WWC1: variants seen among roughly 807,000 people sequenced by gnomAD.
WWC1 encodes the protein protein KIBRA.
WWC1 carries 55 observed loss-of-function variants against 138.4 expected under a neutral mutation model. That is an observed-to-expected ratio of 0.40 (90% CI 0.32 to 0.50). The LOEUF is 0.50. Ranked by LOEUF, WWC1 falls within the 20% of genes least tolerant of loss-of-function variation. The pLI, the probability that WWC1 is intolerant of heterozygous loss-of-function variation, is 0.72. For synonymous variants in WWC1, 524 were observed against 564.9 expected (o/e 0.93, Z 1.03); for missense variants, 1,226 against 1,420.4 (o/e 0.86, Z 2.20).
intron 17 of WWC1, among the ~76,000 whole-genome samples, chr5:168,449,141 T>TG (rs1205343998): frequency 2.1e-5 from 3 of 142,492 alleles, no homozygotes; most frequent in Non-Finnish European, 4.8e-5. Flanking sequence ...CACCAGCACT[T>TG]GATATTACCA....
intron 2 of WWC1, among the ~76,000 whole-genome samples, chr5:168,381,371 G>C (rs1316098917): frequency 6.6e-6 from 1 of 152,160 alleles, no homozygotes; most frequent in Admixed American, 6.5e-5. Flanking sequence ...AACTGGACAC[G>C]GGCCCAGCAT....
At chr5:168,445,009 CT>C (rs1755117641) in intron 17 of WWC1, among the ~76,000 whole-genome samples, 1 of 152,118 alleles carries the variant, frequency 6.6e-6, no homozygotes. Flanking sequence ...TAGAAGTTTA[CT>C]TCTTCTTCAC....
intron 16 of WWC1, among the ~76,000 whole-genome samples, chr5:168,442,958 TC>T (rs1162041576): frequency 2.0e-5 from 3 of 152,130 alleles, no homozygotes; most frequent in African/African-American, 7.2e-5. Context: ...TTAAACTGTC[TC>T]CCCCGTTTGG....
intron 1 of WWC1, among the ~76,000 whole-genome samples, chr5:168,301,497 G>A (rs1446796274): frequency 1.3e-5 from 2 of 152,128 alleles, no homozygotes; most frequent in African/African-American, 4.8e-5. Flanking sequence ...AATTAGCCAG[G>A]CGTGGTAGCA....
chr5:168,407,627 T>C (rs1561719179), intron 6 of WWC1, among the ~76,000 whole-genome samples: 2 of 152,182 alleles, frequency 1.3e-5, no homozygotes, highest in African/African-American at 4.8e-5. Context: ...GTGGTTGAGA[T>C]CATGGAGCCT....
At chr5:168,305,130 T>C (rs1488070000) in intron 1 of WWC1, among the ~76,000 whole-genome samples, 6 of 21,134 alleles carry the variant, frequency 2.8e-4, no homozygotes, top group African/African-American at 8.7e-4. Flanking sequence ...GGCCCAGTAT[T>C]TTTTTTTTTT....
At chr5:168,358,602 C>A (rs1775634657) in intron 1 of WWC1, among the ~76,000 whole-genome samples, 1 of 152,164 alleles carries the variant, frequency 6.6e-6, no homozygotes, top group African/African-American at 2.4e-5. Context: ...CAGTTAACCT[C>A]TCTGTGCCTC....
At chr5:168,312,591 G>A (rs1771211270) in intron 1 of WWC1, among the ~76,000 whole-genome samples, 1 of 152,230 alleles carries the variant, frequency 6.6e-6, no homozygotes, top group Non-Finnish European at 1.5e-5. Flanking sequence ...CAGTATCACA[G>A]CATTAGTTTG....
chr5:168,321,531 A>G (rs967774787), intron 1 of WWC1, among the ~76,000 whole-genome samples: 2 of 145,414 alleles, frequency 1.4e-5, no homozygotes, highest in Admixed American at 1.4e-4. Context: ...ATAGGGCAAT[A>G]TCCTTTTTTT....
Position 168,301,104 on chromosome 5 carries a change from G to T in WWC1, c.119+8833G>T, listed in dbSNP as rs114136815. Among the ~76,000 whole-genome samples, 537 of 152,280 alleles carry T rather than the reference G, an allele frequency of 3.5e-3. 3 individuals are homozygous for T. The highest frequency in any genetic ancestry group is 6.0e-3 in the South Asian group (29 of 4,822). ...AAGATCCTTATCCATTGTCTGTCAC[G>T]TGCCAAACACTATTGCTCATCATAT... On this transcript the variant is annotated intron_variant, in intron 1 of 22. Transcript: ENST00000265293.
At chr5:168,427,860 G>A (rs1341445888) in intron 11 of WWC1, among the ~76,000 whole-genome samples, 173 bp from the exon 12 acceptor site, 4 of 152,074 alleles carry the variant, frequency 2.6e-5, no homozygotes, top group South Asian at 2.1e-4. Context: ...TTTGGGAGGC[G>A]GAGGTGGGAG....
At chr5:168,453,003 T>A (rs1158053053) in intron 17 of WWC1, among the ~76,000 whole-genome samples, 4 of 152,190 alleles carry the variant, frequency 2.6e-5, no homozygotes, top group Non-Finnish European at 5.9e-5. Context: ...GGTGGGTGGA[T>A]CGCTTGAGCC....
intron 2 of WWC1, among the ~76,000 whole-genome samples, chr5:168,374,649 G>A (rs1407106141): frequency 1.3e-5 from 2 of 152,204 alleles, no homozygotes; most frequent in African/African-American, 2.4e-5. Context: ...TCCGCTGTGT[G>A]AGATGGGAGT....
intron 1 of WWC1, among the ~76,000 whole-genome samples, chr5:168,348,142 G>A (rs1327198442): frequency 6.6e-6 from 1 of 152,208 alleles, no homozygotes; most frequent in African/African-American, 2.4e-5. Context: ...CAGGTTGGGG[G>A]ATGTGATGTG....
intron 1 of WWC1, among the ~76,000 whole-genome samples, chr5:168,295,297 A>G (rs997439626): frequency 3.3e-5 from 5 of 151,770 alleles, no homozygotes; most frequent in Non-Finnish European, 7.4e-5. Context: ...TCCAGACTCC[A>G]TGAGAGGAGA....
intron 7 of WWC1, among the ~76,000 whole-genome samples, chr5:168,409,272 T>C (rs971843148): frequency 6.6e-6 from 1 of 152,182 alleles, no homozygotes; most frequent in African/African-American, 2.4e-5. Flanking sequence ...GCGGACAGCC[T>C]CTATATGCTG....
At chr5:168,468,924 G>T (rs977248593) in intron 22 of WWC1, 27 bp from the exon 23 acceptor site, 20 of 1,613,590 alleles carry the variant, frequency 1.2e-5, no homozygotes, top group Non-Finnish European at 1.6e-5. Context: ...GAAAACCCCT[G>T]CTCTAAAGGG....
intron 1 of WWC1, among the ~76,000 whole-genome samples, chr5:168,301,348 AAGTGGGACTGGGTGCAGTGG>A (rs1770051262): frequency 6.6e-6 from 1 of 152,178 alleles, no homozygotes; most frequent in Non-Finnish European, 1.5e-5. Flanking sequence ...TTAAAATAGT[AAGTGGGACTGGGTGCAGTGG>A]CTGACACCTG....
chr5:168,461,619 A>G (rs1042152444), intron 20 of WWC1, among the ~76,000 whole-genome samples: 3 of 152,216 alleles, frequency 2.0e-5, no homozygotes, highest in Non-Finnish European at 4.4e-5. Flanking sequence ...GGGGTAGGCA[A>G]AGGAGCGACC....
Sources: gnomAD v4.1 joint callset for allele counts (sites outside exome capture counted in the v4.1 genomes callset) on GRCh38, gnomAD v4.1.1 for gene constraint, MANE v1.5 for transcripts, NCBI Gene and HGNC (gene_info 2026-07-23, HGNC 2026-07-21) for gene names.